The following MAK variants were observed in gnomAD, a reference collection of about 807,000 sequenced individuals.
MAK encodes the protein serine/threonine-protein kinase MAK.
Under a neutral mutation model 82.6 loss-of-function variants are expected in MAK, and 65 were observed. The ratio of observed to expected loss-of-function variants is 0.79; its 90% CI spans 0.64 to 0.97. The LOEUF is 0.97. Among genes scored for constraint, MAK ranks in the 50% least tolerant of loss-of-function variants. MAK has a pLI of 0.00. For missense variants in MAK, 703 were observed against 780.2 expected (o/e 0.90, Z 1.18); for synonymous variants, 250 against 274.2 (o/e 0.91, Z 0.87).
At position 10,818,809 on chromosome 6, in the gene MAK, A is replaced by G. The variant is rs1251496147; in HGVS notation, c.156+77T>C. The stretch of plus-strand genomic sequence containing the variant: ...ATTATCTTCAGAATGCTTCCCACAG[A>G]GAATAAAATCATCTTAACTACGGTC... On this transcript the variant is annotated intron_variant, in intron 3 of 14. Transcript: ENST00000354489. 3 of 795,644 alleles carry G rather than the reference A, an allele frequency of 3.8e-6. No homozygotes were observed. The African/African-American group carries it at 5.1e-5, about 14-fold the overall frequency. The allele number at this position is 795,644 out of a possible 1,614,324, so 49.3% of individuals were successfully genotyped here.
intron 6 of MAK, among the ~76,000 whole-genome samples, chr6:10,807,601 A>G (rs1220011764): frequency 6.6e-6 from 1 of 151,568 alleles, no homozygotes; most frequent in Admixed American, 6.6e-5. Flanking sequence ...CGGCCTCCCA[A>G]AGTGCTGGGA....
At chr6:10,797,860 A>G (rs1775686008) in intron 8 of MAK, 3 of 1,285,362 alleles carry the variant, frequency 2.3e-6, no homozygotes, top group Non-Finnish European at 3.0e-6. Context: ...TTCCACTTCC[A>G]CTAAAAAGCA....
chr6:10,784,640 T>TCTCGCCCACCCTCTGCACAC (rs1774351250), intron 10 of MAK, 68 bp from the exon 11 acceptor site: 14 of 1,458,900 alleles, frequency 9.6e-6, no homozygotes, highest in Non-Finnish European at 1.2e-5. Context: ...CCTCTGCACA[T>TCTCGCCCACCCTCTGCACAC]CTCGCCCACC....
chr6:10,802,457 C>G (rs140194290), intron 7 of MAK: 3,635 of 174,020 alleles, frequency 0.021, 76 homozygotes, highest in African/African-American at 0.05. Flanking sequence ...AGGTGCGCAC[C>G]ATCACACCTG....
intron 4 of MAK, among the ~76,000 whole-genome samples, chr6:10,815,948 GTA>G (rs1359221719): frequency 1.2e-5 from 1 of 85,036 alleles, no homozygotes; most frequent in Non-Finnish European, 2.3e-5. Flanking sequence ...ATATATATAT[GTA>G]TGTTTTCTTT....
intron 5 of MAK, among the ~76,000 whole-genome samples, chr6:10,810,097 C>CAAA (rs1289360594): frequency 4.9e-4 from 17 of 34,806 alleles, no homozygotes; most frequent in East Asian, 1.3e-3. Context: ...GACACTGTCT[C>CAAA]AAAAAAAAAA....
In MAK at chr6:10,830,878, C is replaced by A. The variant is rs1778766388; in HGVS notation, c.-229-1G>T. On this transcript the variant is annotated splice_acceptor_variant, in intron 1 of 14. Transcript: ENST00000354489. LOFTEE classifies it low-confidence loss of function (5UTR_SPLICE). ...CAACACTTCCATTCTTATAAACACC[C>A]TAAAGAAAGAAAACAAGGATATCAT... 3.9e-6 allele frequency: 2 copies of A among 513,970 alleles called. No individual in the cohort carries two copies. The highest frequency in any genetic ancestry group is 7.1e-6 in the Non-Finnish European group (2 of 283,634). The allele number at this position is 513,970 out of a possible 1,614,324, so 31.8% of individuals were successfully genotyped here.
At chr6:10,813,874 C>T (rs1581739860) in intron 4 of MAK, 151 bp from the exon 5 acceptor site, 2 of 663,852 alleles carry the variant, frequency 3.0e-6, no homozygotes, top group Admixed American at 2.5e-5. Context: ...AAAGCTCACA[C>T]ATTTAAAACA....
rs1176601653 is a variant in MAK at position 10,796,238 on chromosome 6, C to T, written c.903G>A (p.Gln301=). ...GPSSNHLESK[Q]SLNKQLQPLE... is the part of the protein sequence containing the mutation. The stretch of plus-strand genomic sequence containing the variant: ...ATGGTTGCAGCTGCTTATTTAAAGA[C>T]TGTTTTGATTCCAGATGATTTGACG... The change falls in exon 9 of 15, where the codon CAG becomes CAA. Residue 301 remains glutamine (Q), a synonymous_variant. Transcript: ENST00000354489. The T allele has an allele frequency of 1.2e-6, 2 of 1,614,046 alleles. No individual in the cohort carries two copies. Among genetic ancestry groups the T allele is most frequent in the African/African-American group, 2.7e-5 (2 of 74,916 alleles).
At position 10,770,125 on chromosome 6, in the gene MAK, T is replaced by C. The variant is rs200866765; in HGVS notation, c.1778A>G (p.Asn593Ser). The stretch of plus-strand genomic sequence containing the variant: ...GTTGTTCCTACCTGAAGCCGTTGCA[T>C]TGAGAGGTGCTAAGTGGATCCTCTG... ...AGQRIHLAPL[N>S]ATASEYTWNT... Residue 593 changes from asparagine to serine, a missense_variant, in exon 14 of 15, where the codon AAT becomes AGT. Transcript: ENST00000354489. The C allele has an allele frequency of 2.0e-5, 33 of 1,614,090 alleles. No individual in the cohort carries two copies. In the East Asian group the frequency reaches 7.1e-4, roughly 35 times the overall value.
intron 4 of MAK, among the ~76,000 whole-genome samples, chr6:10,814,231 A>G (rs1163238304): frequency 6.6e-6 from 1 of 152,090 alleles, no homozygotes; most frequent in Non-Finnish European, 1.5e-5. Context: ...GGCCTCCCAA[A>G]GTGCTGGGAT....
At chr6:10,784,354 AT>A in intron 11 of MAK, 69 bp downstream of exon 11, 1 of 1,551,234 alleles carries the variant, frequency 6.4e-7, no homozygotes. Flanking sequence ...TTCTTTGGAG[AT>A]TCCAAGACAC....
intron 6 of MAK, among the ~76,000 whole-genome samples, chr6:10,805,053 T>G: frequency 1.7e-5 from 1 of 58,222 alleles, no homozygotes; most frequent in African/African-American, 9.0e-5. Flanking sequence ...CCAGGATGAG[T>G]GTGTGCATGT....
intron 2 of MAK, 89 bp downstream of exon 2, chr6:10,830,459 G>A: frequency 9.1e-7 from 1 of 1,098,622 alleles, no homozygotes; most frequent in African/African-American, 1.5e-5. Flanking sequence ...CCACCGCGCT[G>A]GCCTGTGCTG....
chr6:10,808,205 A>G (rs1776647175), intron 6 of MAK, among the ~76,000 whole-genome samples: 1 of 152,126 alleles, frequency 6.6e-6, no homozygotes, highest in Non-Finnish European at 1.5e-5. Flanking sequence ...CTTTTTTTGT[A>G]CTTTGCATAA....
intron 2 of MAK, among the ~76,000 whole-genome samples, chr6:10,823,628 C>T (rs570917527): frequency 5.4e-4 from 83 of 152,304 alleles, no homozygotes; most frequent in African/African-American, 1.9e-3. Flanking sequence ...CTCCTGGGTT[C>T]AAGTGATTCT....
At chr6:10,780,971 T>C (rs1773915026) in intron 11 of MAK, among the ~76,000 whole-genome samples, 2 of 152,118 alleles carry the variant, frequency 1.3e-5, no homozygotes, top group African/African-American at 2.4e-5. Flanking sequence ...CTTTCAAAAG[T>C]GTGCCCCAAC....
At chr6:10,837,100 A>C (rs552716276) in intron 1 of MAK, among the ~76,000 whole-genome samples, 4 of 152,338 alleles carry the variant, frequency 2.6e-5, no homozygotes, top group Admixed American at 2.6e-4. Flanking sequence ...CAAAAACTGA[A>C]GAGATAAGGC....
chr6:10,831,474 G>A (rs1040104238), intron 1 of MAK, among the ~76,000 whole-genome samples: 4 of 152,198 alleles, frequency 2.6e-5, no homozygotes, highest in South Asian at 2.1e-4. Context: ...AAACATAGCC[G>A]GGCGTGGTGG....
Sources: allele counts gnomAD v4.1 joint callset (sites outside exome capture counted in the v4.1 genomes callset), GRCh38; gene constraint gnomAD v4.1.1; transcripts MANE v1.5; gene names NCBI Gene and HGNC (gene_info 2026-07-23, HGNC 2026-07-21).